The following ZNF385D variants were observed in gnomAD, a reference collection of about 807,000 sequenced individuals.
The protein encoded by ZNF385D is zinc finger protein 385D, also known as zinc finger protein 659.
In ZNF385D, 15 loss-of-function variants were observed where a neutral mutation model predicts 35.8. That is an observed-to-expected ratio of 0.42 (90% confidence interval 0.28 to 0.64). The LOEUF is 0.64. Ranked by LOEUF, ZNF385D falls within the 30% of genes least tolerant of loss-of-function variation. The pLI is 0.23. For missense variants in ZNF385D, 474 were observed against 494.6 expected (o/e 0.96, Z 0.39); for synonymous variants, 212 against 186.8 (o/e 1.13, Z -1.10).
intron 1 of ZNF385D, among the ~76,000 whole-genome samples, chr3:21,669,255 G>A (rs901929552): frequency 4.6e-5 from 7 of 152,144 alleles, no homozygotes; most frequent in Admixed American, 2.0e-4. Flanking sequence ...GTACAGAATA[G>A]CAATCAATAC....
chr3:21,592,270 G>T (rs2125736077), intron 2 of ZNF385D, among the ~76,000 whole-genome samples: 1 of 152,108 alleles, frequency 6.6e-6, no homozygotes, highest in South Asian at 2.1e-4. Flanking sequence ...TCTTTTATAA[G>T]ATATGGCTTT....
rs564261209 is a variant in ZNF385D, at chr3:21,686,583, T to C, written c.23-21555A>G. ...CAACCCAAATAAAGGCAAATAATAA[T>C]AAAGGAATATTTTACACTCTTTTTC... On this transcript the variant is annotated intron_variant, in intron 1 of 7. Transcript: ENST00000281523. 4.3e-4 allele frequency among the ~76,000 whole-genome samples: 65 copies of C among 152,214 alleles called. No individual in the cohort carries two copies. The Middle Eastern group carries it at 0.01, about 24-fold the overall frequency.
At position 22,111,177 on chromosome 3, in the gene ZNF385D, GTTTTTTTT is replaced by G. The variant is rs1396628192; in HGVS notation, c.325+57632_325+57639del. On this transcript the variant is annotated intron_variant, in intron 3 of 5. Coordinates refer to the ZNF385D transcript ENST00000494108. ...ATTTTTTTTTTTTTTTTTTTTTTTT[GTTTTTTTT>G]GTACTCTCAGGAGACTGTTTTGTGC... Among the ~76,000 whole-genome samples the G allele has an allele frequency of 5.0e-3, 525 of 105,510 alleles. 13 individuals are homozygous for G. Among genetic ancestry groups the G allele is most frequent in the Middle Eastern group, 0.011 (2 of 176 alleles). 69.2% of individuals were successfully genotyped at this position (105,510 alleles called of 152,430 possible). A position where few individuals can be genotyped will look rare whatever the true frequency, so the allele number is the denominator to read the frequency against.
intron 3 of ZNF385D, among the ~76,000 whole-genome samples, chr3:22,113,759 G>T (rs1412356401): frequency 6.6e-6 from 1 of 152,046 alleles, no homozygotes; most frequent in Non-Finnish European, 1.5e-5. Flanking sequence ...GCCAAGGCGG[G>T]TGAATCACGA....
At chr3:21,487,868 A>G (rs1315287851) in intron 4 of ZNF385D, among the ~76,000 whole-genome samples, 1 of 152,164 alleles carries the variant, frequency 6.6e-6, no homozygotes, top group African/African-American at 2.4e-5. Context: ...AATTTAATGA[A>G]TCAATTCATG....
At chr3:22,136,986 T>G (rs768944539) in intron 3 of ZNF385D, among the ~76,000 whole-genome samples, 2 of 152,172 alleles carry the variant, frequency 1.3e-5, no homozygotes, top group Non-Finnish European at 2.9e-5. Context: ...CTATTCTATA[T>G]GATCATGTAG....
At chr3:21,988,601 A>G (rs1377631686) in intron 3 of ZNF385D, among the ~76,000 whole-genome samples, 1 of 150,782 alleles carries the variant, frequency 6.6e-6, no homozygotes, top group African/African-American at 2.4e-5. Context: ...TTAAGTCTGC[A>G]GAGGTTACTG....
At chr3:21,863,838 C>G (rs1697186990) in intron 3 of ZNF385D, among the ~76,000 whole-genome samples, 1 of 152,142 alleles carries the variant, frequency 6.6e-6, no homozygotes, top group South Asian at 2.1e-4. Flanking sequence ...AGGGAAGTGG[C>G]CAATGCCAAC....
intron 3 of ZNF385D, among the ~76,000 whole-genome samples, chr3:21,850,434 G>A (rs1696312091): frequency 6.6e-6 from 1 of 152,066 alleles, no homozygotes; most frequent in Non-Finnish European, 1.5e-5. Context: ...TCTTTGAGCT[G>A]TAGACACAAA....
rs532970340 is a variant in ZNF385D at position 21,440,002 on chromosome 3, T to C, written c.440-2799A>G. Among the ~76,000 whole-genome samples, 5 of 152,232 alleles carry C rather than the reference T, an allele frequency of 3.3e-5. No individual in the cohort carries two copies. In the East Asian group the frequency reaches 9.7e-4, roughly 29 times the overall value. On this transcript the variant is annotated intron_variant, in intron 4 of 7. Coordinates refer to ENST00000281523, the MANE Select transcript of ZNF385D (RefSeq NM_024697.3). ...TATATTTTTTATCTTAAATTTAATA[T>C]GTAGAACTTGACTCCATAAAGATAG...
At chr3:22,235,162 C>T (rs1217244457) in intron 2 of ZNF385D, among the ~76,000 whole-genome samples, 1 of 151,916 alleles carries the variant, frequency 6.6e-6, no homozygotes, top group East Asian at 1.9e-4. Context: ...AATATTTTTT[C>T]TATATGAATC....
chr3:22,187,739 G>A (rs533194655), intron 2 of ZNF385D, among the ~76,000 whole-genome samples: 1 of 152,200 alleles, frequency 6.6e-6, no homozygotes, highest in Admixed American at 6.6e-5. Context: ...GAGTAAAATA[G>A]CAAAGGAGGC....
At chr3:22,113,187 G>A (rs529143719) in intron 3 of ZNF385D, among the ~76,000 whole-genome samples, 37 of 152,034 alleles carry the variant, frequency 2.4e-4, no homozygotes, top group African/African-American at 8.7e-4. Context: ...GTGGGCTATG[G>A]GCCTTTGCAG....
At chr3:22,009,527 T>C (rs1696433622) in intron 3 of ZNF385D, among the ~76,000 whole-genome samples, 1 of 150,212 alleles carries the variant, frequency 6.7e-6, no homozygotes, top group South Asian at 2.1e-4. Context: ...GGAGGCTGAG[T>C]CAGGAGAATG....
chr3:21,547,914 C>T (rs936966018), intron 3 of ZNF385D, among the ~76,000 whole-genome samples: 1 of 152,014 alleles, frequency 6.6e-6, no homozygotes, highest in East Asian at 1.9e-4. Flanking sequence ...CCCGGCCACA[C>T]GTACTTCTTT....
intron 2 of ZNF385D, among the ~76,000 whole-genome samples, chr3:21,629,641 A>T (rs1328162538): frequency 6.6e-6 from 1 of 152,150 alleles, no homozygotes; most frequent in Non-Finnish European, 1.5e-5. Context: ...CCTTCTAGGA[A>T]AGGTGGCCTC....
intron 3 of ZNF385D, among the ~76,000 whole-genome samples, chr3:21,559,256 G>T (rs1192333109): frequency 6.6e-6 from 1 of 152,136 alleles, no homozygotes; most frequent in East Asian, 1.9e-4. Flanking sequence ...TTTCCTCATA[G>T]TGTCGATGGT....
intron 5 of ZNF385D, among the ~76,000 whole-genome samples, chr3:21,432,369 C>A (rs1477024885): frequency 1.3e-5 from 2 of 152,074 alleles, no homozygotes; most frequent in Non-Finnish European, 2.9e-5. Flanking sequence ...ACTATCTTTT[C>A]TGCATATTGA....
chr3:21,431,692 G>C (rs1701301302), intron 5 of ZNF385D, among the ~76,000 whole-genome samples: 2 of 152,126 alleles, frequency 1.3e-5, no homozygotes, highest in Non-Finnish European at 2.9e-5. Flanking sequence ...AAAGTTTAAA[G>C]AAGTTACAAC....
Sources: gnomAD v4.1 joint callset for allele counts (sites outside exome capture counted in the v4.1 genomes callset) on GRCh38, gnomAD v4.1.1 for gene constraint, MANE v1.5 for transcripts, NCBI Gene and HGNC (gene_info 2026-07-23, HGNC 2026-07-21) for gene names.